The following HEATR4 variants were observed in gnomAD, a reference collection of about 807,000 sequenced individuals.
HEATR4 encodes the protein HEAT repeat containing 4.
In HEATR4, 95 loss-of-function variants were observed where a neutral mutation model predicts 108.8. The observed-to-expected ratio is 0.87, with a 90% CI of 0.74 to 1.04. The LOEUF is 1.04. Among genes scored for constraint, HEATR4 ranks in the 50% least tolerant of loss-of-function variants. HEATR4 has a pLI of 0.00. For synonymous variants in HEATR4, 443 were observed against 459.4 expected (o/e 0.96, Z 0.46); for missense variants, 1,152 against 1,253.8 (o/e 0.92, Z 1.23).
At chr14:73,597,633 G>C in the HEATR4 span, among the ~76,000 whole-genome samples, 2 of 116,064 alleles carry the variant, frequency 1.7e-5, no homozygotes, top group Non-Finnish European at 3.3e-5. Context: ...TTGCTCTGTA[G>C]CCCAGGCTGG....
At position 73,492,263 on chromosome 14, in the gene HEATR4, C is replaced by T; in HGVS notation, c.2844+803G>A. On this transcript the variant is annotated intron_variant, in intron 17 of 17. Coordinates refer to ENST00000553558, the MANE Select transcript of HEATR4 (RefSeq NM_001220484.1). The surrounding 1 kb of genome is among the most constrained non-coding windows in gnomAD (Gnocchi z 4.9). ...TGAATGCCAGGATGGAGTCCACTCTCTGCACCTCACCTTGTCCACGTACCA... is the reference window on the plus strand; with the variant it reads ...TGAATGCCAGGATGGAGTCCACTCTTTGCACCTCACCTTGTCCACGTACCA... 2 of 1,614,056 alleles carry T rather than the reference C, an allele frequency of 1.2e-6. No individual in the cohort carries two copies. Among genetic ancestry groups the T allele is most frequent in the Non-Finnish European group, 1.7e-6 (2 of 1,179,908 alleles).
intron 10 of HEATR4, among the ~76,000 whole-genome samples, chr14:73,503,492 A>G (rs548689359): frequency 2.6e-4 from 40 of 152,306 alleles, no homozygotes; most frequent in Admixed American, 6.5e-5. Context: ...GGCAAAGATT[A>G]CTACACGATG....
chr14:73,495,136 C>T, intron 16 of HEATR4, 92 bp downstream of exon 16: 1 of 1,132,232 alleles, frequency 8.8e-7, no homozygotes, highest in Non-Finnish European at 1.3e-6. Flanking sequence ...CTTTCATCCT[C>T]TAAGGCTTGC....
chr14:73,566,253 G>A, the HEATR4 span, among the ~76,000 whole-genome samples: 3 of 152,118 alleles, frequency 2.0e-5, no homozygotes, highest in African/African-American at 7.2e-5. Flanking sequence ...ACTAGACTCA[G>A]GAGCCCAGCT....
the HEATR4 span, chr14:73,574,486 C>T: frequency 3.1e-6 from 1 of 326,274 alleles, no homozygotes; most frequent in Non-Finnish European, 5.8e-6. Context: ...TGATCTCAAA[C>T]TCCTGACCTC....
In HEATR4 at chr14:73,539,266, GT is replaced by G. The variant is rs1263274696; in HGVS notation, c.-151-9023del. The G allele has an allele frequency of 2.6e-5, 3 of 115,148 alleles. 1 individual carries two copies. The highest frequency in any genetic ancestry group is 5.7e-5 in the African/African-American group (2 of 35,312). The allele number at this position is 115,148 out of a possible 1,614,324, so 7.1% of individuals were successfully genotyped here. On this transcript the variant is annotated intron_variant, in intron 1 of 17. Coordinates refer to ENST00000553558, the MANE Select transcript of HEATR4 (RefSeq NM_001220484.1). The stretch of plus-strand genomic sequence containing the variant: ...GCTGGCTGGCTATGATCTCCGTCCT[GT>G]TACCATTCCAGGAGAGCAGCCACCT...
chr14:73,530,459 C>G lies in HEATR4; in HGVS notation c.-151-215G>C, dbSNP rs1888641021. 3.1e-5 allele frequency: 4 copies of G among 129,816 alleles called. 1 individual carries two copies. The Admixed American group carries it at 3.4e-4, about 11-fold the overall frequency. 8.0% of individuals were successfully genotyped at this position (129,816 alleles called of 1,614,324 possible). ...TAGTGGGGAGAGTGGGATTAGGGAA[C>G]AGCTGCTTAACCTGGCTTGTTTCAA... is the stretch of plus-strand genomic sequence containing the variant. On this transcript the variant is annotated intron_variant, in intron 1 of 17. Transcript: ENST00000553558.
the HEATR4 span, among the ~76,000 whole-genome samples, chr14:73,622,264 T>C: frequency 8.2e-4 from 125 of 152,108 alleles, no homozygotes; most frequent in Non-Finnish European, 1.4e-3. Context: ...TCCACATCTA[T>C]ATGTATTGAA....
intron 12 of HEATR4, among the ~76,000 whole-genome samples, chr14:73,499,518 CAG>C (rs1465518381): frequency 6.6e-6 from 1 of 151,980 alleles, no homozygotes; most frequent in African/African-American, 2.4e-5. Context: ...AAGAATGAAT[CAG>C]AAACAGGGAA....
the HEATR4 span, among the ~76,000 whole-genome samples, chr14:73,586,281 T>G: frequency 6.6e-6 from 1 of 151,740 alleles, no homozygotes; most frequent in Non-Finnish European, 1.5e-5. Flanking sequence ...TAATCCCAGC[T>G]ACTCAGGAAG....
chr14:73,573,121 CTTT>C, the HEATR4 span, among the ~76,000 whole-genome samples: 3 of 151,630 alleles, frequency 2.0e-5, no homozygotes, highest in East Asian at 5.8e-4. Context: ...AGCAGTCTTT[CTTT>C]TTGTTTCTTG....
chr14:73,553,866 C>T lies in HEATR4; in HGVS notation c.-152+4885G>A, dbSNP rs370493551. Among the ~76,000 whole-genome samples, 6 of 114,756 alleles carry T rather than the reference C, an allele frequency of 5.2e-5. 2 individuals carry two copies. The highest frequency in any genetic ancestry group is 1.7e-4 in the African/African-American group (6 of 35,588). 75.3% of individuals were successfully genotyped at this position (114,756 alleles called of 152,430 possible). A position where few individuals can be genotyped will look rare whatever the true frequency, so the allele number is the denominator to read the frequency against. On this transcript the variant is annotated intron_variant, in intron 1 of 17. Transcript: ENST00000553558. ...TAGACAAGACTAAAAACCAAAATGGCGTCACCTGTGCTAAAGTTTCACCCA... is the reference window on the plus strand; with the variant it reads ...TAGACAAGACTAAAAACCAAAATGGTGTCACCTGTGCTAAAGTTTCACCCA...
the HEATR4 span, among the ~76,000 whole-genome samples, chr14:73,616,124 G>T: frequency 6.6e-6 from 1 of 151,966 alleles, no homozygotes; most frequent in Non-Finnish European, 1.5e-5. Flanking sequence ...GTGCCATCAT[G>T]CCCAGCTAGT....
Position 73,500,679 on chromosome 14 carries a change from C to T in HEATR4, c.2157G>A (p.Leu719=), listed in dbSNP as rs757798640. 6.2e-7 allele frequency: 1 copy of T among 1,614,172 alleles called. No homozygotes were observed. Among genetic ancestry groups the T allele is most frequent in the Non-Finnish European group, 8.5e-7 (1 of 1,180,008 alleles). ...NSQERVEALY[L]IGELKLMTAK... is the part of the protein sequence containing the mutation. The stretch of plus-strand genomic sequence containing the variant: ...CGGTCATAAGCTTGAGCTCACCTAT[C>T]AGGTAGAGAGCTTCCACACGCTCCT... The change falls in exon 12 of 18, where the codon CTG becomes CTA. Residue 719 remains leucine (L), a synonymous_variant. Transcript: ENST00000553558.
At chr14:73,501,680 T>C (rs1190607878) in intron 11 of HEATR4, among the ~76,000 whole-genome samples, 2 of 151,082 alleles carry the variant, frequency 1.3e-5, no homozygotes, top group Admixed American at 1.3e-4. Context: ...ACCCAGGCAG[T>C]CCTCTTGCCT....
chr14:73,607,338 T>C, the HEATR4 span, among the ~76,000 whole-genome samples: 1 of 152,112 alleles, frequency 6.6e-6, no homozygotes, highest in South Asian at 2.1e-4. Context: ...AGAAATGTCC[T>C]GAACTGTACC....
At position 73,531,420 on chromosome 14, in the gene HEATR4, C is replaced by G. The variant is rs1168155924; in HGVS notation, c.-151-1176G>C. On this transcript the variant is annotated intron_variant, in intron 1 of 17. Coordinates refer to ENST00000553558, the MANE Select transcript of HEATR4 (RefSeq NM_001220484.1). ...TGAATGGTAGTTTCATGGAGTTTTT[C>G]GTCTTTTTTTTTTTTTTTGCGAGGG... Among the ~76,000 whole-genome samples the G allele has an allele frequency of 6.6e-5, 7 of 106,124 alleles. 2 individuals carry two copies. Among genetic ancestry groups the G allele is most frequent in the Admixed American group, 2.2e-4 (2 of 9,202 alleles). 69.6% of individuals were successfully genotyped at this position (106,124 alleles called of 152,430 possible).
intron 17 of HEATR4, among the ~76,000 whole-genome samples, chr14:73,483,968 T>G (rs980800661): frequency 6.6e-6 from 1 of 151,782 alleles, no homozygotes. Flanking sequence ...GATTATCCTG[T>G]CTCAGCCTCC....
At chr14:73,484,833 GACAC>G (rs529857941) in intron 17 of HEATR4, among the ~76,000 whole-genome samples, 71 of 141,634 alleles carry the variant, frequency 5.0e-4, no homozygotes, top group African/African-American at 1.2e-3. Flanking sequence ...CACACACACA[GACAC>G]ACACACACAC....
Sources: allele counts gnomAD v4.1 joint callset (sites outside exome capture counted in the v4.1 genomes callset), GRCh38; gene constraint gnomAD v4.1.1; non-coding constraint Gnocchi (gnomAD v3.1); transcripts MANE v1.5; gene names NCBI Gene and HGNC (gene_info 2026-07-23, HGNC 2026-07-21).